Variants in SYCP1 observed in about 807,000 individuals in gnomAD.
SYCP1 encodes synaptonemal complex protein 1, also known as cancer/testis antigen 8.
Under a neutral mutation model 153.1 loss-of-function variants are expected in SYCP1, and 64 were observed. That is an observed-to-expected ratio of 0.42 (90% CI 0.34 to 0.51). SYCP1 has a LOEUF of 0.51. Ranked by LOEUF, SYCP1 falls within the 20% of genes least tolerant of loss-of-function variation. SYCP1 has a pLI of 0.06. For synonymous variants in SYCP1, 384 were observed against 341.8 expected (o/e 1.12, Z -1.36); for missense variants, 997 against 1,049.0 (o/e 0.95, Z 0.68).
intron 6 of SYCP1, 58 bp from the exon 7 acceptor site, chr1:114,859,685 T>A: frequency 1.1e-6 from 1 of 887,838 alleles, no homozygotes; most frequent in South Asian, 1.9e-5. Flanking sequence ...ATGATTATAT[T>A]CGTGTTTATT....
At chr1:114,896,861 T>C (rs190079121) in intron 16 of SYCP1, among the ~76,000 whole-genome samples, 10 of 152,304 alleles carry the variant, frequency 6.6e-5, no homozygotes, top group Admixed American at 6.5e-4. Context: ...CGCAGACATT[T>C]TGAAGGGTGT....
chr1:114,981,575 T>C (rs1673156484), intron 29 of SYCP1, 63 bp downstream of exon 29: 7 of 1,403,726 alleles, frequency 5.0e-6, no homozygotes, highest in Admixed American at 4.8e-5. Context: ...AGTTCTGTTA[T>C]CACCATATAT....
At chr1:114,887,297 A>C (rs1187604224) in intron 14 of SYCP1, among the ~76,000 whole-genome samples, 1 of 152,078 alleles carries the variant, frequency 6.6e-6, no homozygotes, top group Non-Finnish European at 1.5e-5. Flanking sequence ...ATTCAGTATA[A>C]TAGTAGTTAC....
Position 114,984,820 on chromosome 1 carries a change from CT to C in SYCP1, c.2658del (p.Phe886LeufsTer16). ...EESKKKRKMA[F>X]EFDINSDSSE... The stretch of plus-strand genomic sequence containing the variant: ...AAAGTAAAAAAAAGAGAAAAATGGC[CT>C]TTGAATTTGATATTAATTCAGATAG... On this transcript the variant is annotated frameshift_variant, in exon 30 of 32. Coordinates refer to ENST00000369522, the MANE Select transcript of SYCP1 (RefSeq NM_003176.4). LOFTEE classifies it high-confidence loss of function. The C allele has an allele frequency of 6.7e-7, 1 of 1,497,072 alleles. No individual in the cohort carries two copies. The highest frequency in any genetic ancestry group is 8.9e-7 in the Non-Finnish European group (1 of 1,118,490). The allele number at this position is 1,497,072 out of a possible 1,614,324, so 92.7% of individuals were successfully genotyped here. A position where few individuals can be genotyped will look rare whatever the true frequency, so the allele number is the denominator to read the frequency against.
In SYCP1 at chr1:114,860,822, C is replaced by T. The variant is rs753980175; in HGVS notation, c.598+13C>T. ...AAGACAAAGAAATGTAAATATCTTT[C>T]TTGTTTTATGTGATTTTATCAATTT... On this transcript the variant is annotated intron_variant, in intron 8 of 31. Transcript: ENST00000369522. 6.5e-7 allele frequency: 1 copy of T among 1,545,156 alleles called. No homozygotes were observed. The highest frequency in any genetic ancestry group is 8.8e-7 in the Non-Finnish European group (1 of 1,139,868).
intron 27 of SYCP1, among the ~76,000 whole-genome samples, chr1:114,965,192 T>G (rs1292120941): frequency 6.6e-6 from 1 of 152,212 alleles, no homozygotes; most frequent in Non-Finnish European, 1.5e-5. Flanking sequence ...ATGCTTGTGA[T>G]TTTTGTACAT....
chr1:114,939,148 G>T lies in SYCP1; in HGVS notation c.1927-5191G>T, dbSNP rs181668717. On this transcript the variant is annotated intron_variant, in intron 23 of 31. Coordinates refer to ENST00000369522, the MANE Select transcript of SYCP1 (RefSeq NM_003176.4). ...CATTATTCACAATAGCCAAAAGTTG[G>T]AAGCAACCCATGTGTCCATTGACAG... Among the ~76,000 whole-genome samples, 66 of 152,240 alleles carry T rather than the reference G, an allele frequency of 4.3e-4. 2 individuals are homozygous for T. Among genetic ancestry groups the T allele is most frequent in the Admixed American group, 4.1e-3 (63 of 15,286 alleles).
At chr1:114,859,008 TG>T (rs1664198351) in intron 6 of SYCP1, among the ~76,000 whole-genome samples, 1 of 152,202 alleles carries the variant, frequency 6.6e-6, no homozygotes. Flanking sequence ...TTATTCCTAT[TG>T]ATGTTTTATG....
In SYCP1 at chr1:114,898,008, G is replaced by A. The variant is rs1241376998; in HGVS notation, c.1320+2499G>A. ...TTTGAATTCCCTAGACCTCATTTAT[G>A]TCATGGATGTGAGCATAGACTTTAT... On this transcript the variant is annotated intron_variant, in intron 16 of 31. Transcript: ENST00000369522. Among the ~76,000 whole-genome samples, 5 of 152,300 alleles carry A rather than the reference G, an allele frequency of 3.3e-5. No homozygotes were observed. The East Asian group carries it at 9.7e-4, about 29-fold the overall frequency.
intron 27 of SYCP1, among the ~76,000 whole-genome samples, chr1:114,952,790 A>G (rs959065245): frequency 6.6e-6 from 1 of 152,160 alleles, no homozygotes; most frequent in African/African-American, 2.4e-5. Flanking sequence ...CTAATTTTCT[A>G]ATTAGACTTG....
intron 27 of SYCP1, among the ~76,000 whole-genome samples, chr1:114,976,379 C>T (rs573848949): frequency 6.6e-6 from 1 of 151,826 alleles, no homozygotes; most frequent in South Asian, 2.1e-4. Flanking sequence ...AGTGGTCTGG[C>T]CATCTCTTTG....
chr1:114,904,365 C>A (rs1667683937), intron 16 of SYCP1, among the ~76,000 whole-genome samples: 1 of 152,130 alleles, frequency 6.6e-6, no homozygotes, highest in African/African-American at 2.4e-5. Flanking sequence ...ATCTGCCCAC[C>A]TCGGCCTCCC....
At chr1:114,926,095 C>T (rs2101738991) in intron 21 of SYCP1, among the ~76,000 whole-genome samples, 183 bp from the exon 22 acceptor site, 1 of 152,000 alleles carries the variant, frequency 6.6e-6, no homozygotes, top group South Asian at 2.1e-4. Context: ...GCTATGATTG[C>T]ATTTGTATTT....
At chr1:114,948,910 C>T (rs1570838601) in intron 27 of SYCP1, among the ~76,000 whole-genome samples, 1 of 152,100 alleles carries the variant, frequency 6.6e-6, no homozygotes, top group Non-Finnish European at 1.5e-5. Context: ...AGTCAGTAAA[C>T]ATAAATAAGA....
chr1:114,918,753 A>T (rs1668669514), intron 20 of SYCP1, among the ~76,000 whole-genome samples: 1 of 151,852 alleles, frequency 6.6e-6, no homozygotes, highest in Non-Finnish European at 1.5e-5. Flanking sequence ...ATTTATAGCT[A>T]TTGTAAATGG....
At chr1:114,994,646 A>G in intron 30 of SYCP1, 52 bp from the exon 31 acceptor site, 1 of 1,345,580 alleles carries the variant, frequency 7.4e-7, no homozygotes, top group Non-Finnish European at 1.0e-6. Flanking sequence ...TGTTAATAAT[A>G]TAATATTAAT....
rs1421324573 is a variant in SYCP1 at position 114,887,735 on chromosome 1, CTT to C, written c.1258+43_1258+44del. The C allele has an allele frequency of 7.4e-6, 9 of 1,220,682 alleles. No homozygotes were observed. The South Asian group carries it at 7.8e-5, about 11-fold the overall frequency. The allele number at this position is 1,220,682 out of a possible 1,614,324, so 75.6% of individuals were successfully genotyped here. ...AATGTGTGTACTTTAATAATATTAA[CTT>C]ATTATAGAATCATAAACACTGTTTT... On this transcript the variant is annotated intron_variant, in intron 15 of 31. Transcript: ENST00000369522.
chr1:114,890,291 T>C (rs1370323995), intron 15 of SYCP1, among the ~76,000 whole-genome samples: 2 of 151,810 alleles, frequency 1.3e-5, no homozygotes, highest in East Asian at 3.8e-4. Flanking sequence ...AAGAAAATGT[T>C]AGAATTTCTA....
chr1:114,989,694 A>G (rs1272593891), intron 30 of SYCP1, among the ~76,000 whole-genome samples: 2 of 152,004 alleles, frequency 1.3e-5, no homozygotes, highest in African/African-American at 2.4e-5. Flanking sequence ...TAGTAACCAA[A>G]AAATAGCTGA....
Sources: gnomAD v4.1 joint callset for allele counts (sites outside exome capture counted in the v4.1 genomes callset) on GRCh38, gnomAD v4.1.1 for gene constraint, MANE v1.5 for transcripts, NCBI Gene and HGNC (gene_info 2026-07-23, HGNC 2026-07-21) for gene names.